RBM4: variants seen among roughly 807,000 people sequenced by gnomAD.
RBM4 encodes RNA binding motif protein 4.
A neutral mutation model predicts 29.5 loss-of-function variants in RBM4; 7 were observed. That is an observed-to-expected ratio of 0.24 (90% confidence interval 0.14 to 0.45). The LOEUF is 0.45. Among genes scored for constraint, RBM4 ranks in the 20% least tolerant of loss-of-function variants. The pLI, the probability that RBM4 is intolerant of heterozygous loss-of-function variation, is 1.00. For missense variants in RBM4, 387 were observed against 502.3 expected (o/e 0.77, Z 2.19); for synonymous variants, 220 against 205.4 (o/e 1.07, Z -0.61).
chr11:66,646,385 G>C lies in RBM4; in HGVS notation c.*367G>C. 1.7e-6 allele frequency: 2 copies of C among 1,151,850 alleles called. No homozygotes were observed. The highest frequency in any genetic ancestry group is 2.1e-6 in the Non-Finnish European group (2 of 932,396). 71.4% of individuals were successfully genotyped at this position (1,151,850 alleles called of 1,614,324 possible). A position where few individuals can be genotyped will look rare whatever the true frequency, so the allele number is the denominator to read the frequency against. On this transcript the variant is annotated 3_prime_UTR_variant, in exon 4 of 4. Coordinates refer to ENST00000310092, the MANE Select transcript of RBM4 (RefSeq NM_002896.4). ...CCTTGGTGAGAGTCTCACTGCTCCA[G>C]GGTCTCTTTTTGGTCCAAAGGCTAG...
rs749493392 is a variant in RBM4, at chr11:66,640,210, A to G, written c.412+87A>G. On this transcript the variant is annotated intron_variant, in intron 2 of 3. Coordinates refer to ENST00000310092, the MANE Select transcript of RBM4 (RefSeq NM_002896.4). ...AAGTAAAAGGAGAGGTTTGGTAAAG[A>G]TAACAGCTGTTGGCTGGCTGGTGAT... 1.1e-5 allele frequency: 17 copies of G among 1,557,538 alleles called. No individual in the cohort carries two copies. The Admixed American group carries it at 1.5e-4, about 14-fold the overall frequency.
At chr11:66,640,264 T>G (rs1938382512) in intron 2 of RBM4, 141 bp downstream of exon 2, 1 of 1,145,924 alleles carries the variant, frequency 8.7e-7, no homozygotes, top group Non-Finnish European at 1.3e-6. Flanking sequence ...GATGGACTTC[T>G]TATGATGTAG....
In RBM4 at chr11:66,646,303, G is replaced by A; in HGVS notation, c.*285G>A. On this transcript the variant is annotated 3_prime_UTR_variant, in exon 4 of 4. Transcript: ENST00000310092. ...CATTGTGTGCAGAAACTGTGGTGGGGGCTGTGCTGTCTCCTCCCTGCCTCC... is the reference window on the plus strand; with the variant it reads ...CATTGTGTGCAGAAACTGTGGTGGGAGCTGTGCTGTCTCCTCCCTGCCTCC... The A allele has an allele frequency of 7.4e-7, 1 of 1,344,796 alleles. No homozygotes were observed. Among genetic ancestry groups the A allele is most frequent in the Non-Finnish European group, 9.6e-7 (1 of 1,045,160 alleles). 83.3% of individuals were successfully genotyped at this position (1,344,796 alleles called of 1,614,324 possible). A position where few individuals can be genotyped will look rare whatever the true frequency, so the allele number is the denominator to read the frequency against.
intron 2 of RBM4, among the ~76,000 whole-genome samples, chr11:66,659,937 C>T (rs779946973): frequency 1.3e-5 from 2 of 150,868 alleles, no homozygotes; most frequent in Admixed American, 6.6e-5. Flanking sequence ...ATGTTTCTTT[C>T]GTTACTTAGA....
exon 3 of RBM4, chr11:66,666,552 G>A: frequency 1.5e-5 from 7 of 465,608 alleles, no homozygotes; most frequent in Non-Finnish European, 2.0e-5. Context: ...AACAACCACT[G>A]CTTGCAGTCA....
downstream of RBM4, among the ~76,000 whole-genome samples, chr11:66,647,767 C>T (rs556170260): frequency 1.0e-3 from 159 of 152,290 alleles, no homozygotes; most frequent in Non-Finnish European, 1.9e-3. Flanking sequence ...ACATACGGTT[C>T]TGGAGCTTCT....
Position 66,646,058 on chromosome 11 carries a change from G to A in RBM4, c.*40G>A. ...TGTGTGTGGGCTGAAATTCCGAGCTGCGGTTGTGCATGAGAATACACCCTT... is the reference window on the plus strand; with the variant it reads ...TGTGTGTGGGCTGAAATTCCGAGCTACGGTTGTGCATGAGAATACACCCTT... On this transcript the variant is annotated 3_prime_UTR_variant, in exon 4 of 4. Transcript: ENST00000310092. 6.5e-7 allele frequency: 1 copy of A among 1,536,142 alleles called. No individual in the cohort carries two copies.
At chr11:66,654,172 A>AT (rs970669657) in intron 2 of RBM4, among the ~76,000 whole-genome samples, 4 of 152,106 alleles carry the variant, frequency 2.6e-5, no homozygotes, top group African/African-American at 7.2e-5. Context: ...CTACAGGCAT[A>AT]TGCCACCAAA....
chr11:66,644,213 G>A, intron 3 of RBM4, 73 bp downstream of exon 3: 1 of 1,524,248 alleles, frequency 6.6e-7, no homozygotes, highest in Non-Finnish European at 8.8e-7. Context: ...CAATTAGGCT[G>A]CCCTGCTTGC....
chr11:66,640,246 G>A (rs1490162880), intron 2 of RBM4, 123 bp downstream of exon 2: 18 of 1,327,652 alleles, frequency 1.4e-5, no homozygotes, highest in Non-Finnish European at 1.9e-5. Context: ...GAAGAAATAA[G>A]TGTGGGTGAT....
intron 2 of RBM4, among the ~76,000 whole-genome samples, chr11:66,653,466 A>G (rs1938876350): frequency 6.6e-6 from 1 of 151,736 alleles, no homozygotes; most frequent in African/African-American, 2.4e-5. Context: ...GGTCCAAGCA[A>G]ATCTCCTGTC....
At chr11:66,666,031 G>C in exon 3 of RBM4, 1 of 1,350,556 alleles carries the variant, frequency 7.4e-7, no homozygotes, top group East Asian at 2.5e-5. Context: ...CAGTAAACAA[G>C]CTTTCAGAAA....
At chr11:66,644,320 T>A (rs776901812) in intron 3 of RBM4, 180 bp downstream of exon 3, 1 of 820,648 alleles carries the variant, frequency 1.2e-6, no homozygotes, top group Non-Finnish European at 1.8e-6. Flanking sequence ...TAGAGTTCCT[T>A]GGCCCTCATG....
chr11:66,668,317 C>G, exon 3 of RBM4: 2 of 306,150 alleles, frequency 6.5e-6, no homozygotes, highest in South Asian at 1.3e-4. Flanking sequence ...TGTTAGATCT[C>G]TCAAATGTTT....
intron 2 of RBM4, chr11:66,640,480 C>T (rs1362987881): frequency 4.5e-6 from 2 of 446,210 alleles, no homozygotes; most frequent in Admixed American, 3.9e-5. Context: ...AATTTATTGC[C>T]CTCAGCACAG....
At chr11:66,640,267 T>A (rs1445543239) in intron 2 of RBM4, 144 bp downstream of exon 2, 1 of 1,081,984 alleles carries the variant, frequency 9.2e-7, no homozygotes, top group South Asian at 1.4e-5. Context: ...GGACTTCTTA[T>A]GATGTAGAAT....
chr11:66,640,465 C>A, intron 2 of RBM4: 1 of 463,694 alleles, frequency 2.2e-6, no homozygotes, highest in African/African-American at 2.0e-5. Context: ...GAGTTCCTCA[C>A]TCTGAATTTA....
chr11:66,641,268 G>C (rs189621678), intron 2 of RBM4: 37 of 152,254 alleles, frequency 2.4e-4, no homozygotes, highest in Admixed American at 1.6e-3. Context: ...CTTTTTCTGG[G>C]TACTACCTTT....
chr11:66,660,896 C>A (rs1415295284), intron 2 of RBM4, among the ~76,000 whole-genome samples: 1 of 151,546 alleles, frequency 6.6e-6, no homozygotes, highest in Non-Finnish European at 1.5e-5. Flanking sequence ...ACCTCGTGAT[C>A]CACCCGACTC....
Sources: allele counts gnomAD v4.1 joint callset (sites outside exome capture counted in the v4.1 genomes callset), GRCh38; gene constraint gnomAD v4.1.1; transcripts MANE v1.5; gene names NCBI Gene and HGNC (gene_info 2026-07-23, HGNC 2026-07-21).